The following PLGRKT variants were observed in gnomAD, a reference collection of about 807,000 sequenced individuals.
The protein encoded by PLGRKT is plasminogen receptor (KT).
In PLGRKT, 22 loss-of-function variants were observed where a neutral mutation model predicts 18.5. That is an observed-to-expected ratio of 1.19 (90% CI 0.85 to 1.70). The LOEUF (loss-of-function observed/expected upper bound fraction) is 1.70. PLGRKT is among the 40% of genes most tolerant of loss of function. PLGRKT has a pLI of 0.00. For missense variants in PLGRKT, 235 were observed against 174.4 expected (o/e 1.35, Z -1.96); for synonymous variants, 72 against 52.8 (o/e 1.36, Z -1.58).
Position 5,360,970 on chromosome 9 carries a change from AAGAG to A in PLGRKT, c.322+104_322+107del, listed in dbSNP as rs1817249928. 1.4e-5 allele frequency: 9 copies of A among 661,646 alleles called. No individual in the cohort carries two copies. The Middle Eastern group carries it at 8.7e-4, about 64-fold the overall frequency. 41.0% of individuals were successfully genotyped at this position (661,646 alleles called of 1,614,324 possible). ...AGAAATGTTGCTCATTGGAGGTTCAAAGAGAGAGTCTTGTCAGAATCTTTATAAG... is the reference window on the plus strand; with the variant it reads ...AGAAATGTTGCTCATTGGAGGTTCAAAGAGTCTTGTCAGAATCTTTATAAG... On this transcript the variant is annotated intron_variant, in intron 5 of 5. Transcript: ENST00000223864.
upstream of PLGRKT, among the ~76,000 whole-genome samples, chr9:5,438,043 GC>G (rs1466947054): frequency 6.6e-6 from 1 of 152,208 alleles, no homozygotes; most frequent in African/African-American, 2.4e-5. Context: ...GTCAAAAGAG[GC>G]AAATTCAAAG....
intron 3 of PLGRKT, among the ~76,000 whole-genome samples, chr9:5,414,983 C>T (rs915854650): frequency 6.6e-6 from 1 of 152,158 alleles, no homozygotes; most frequent in Non-Finnish European, 1.5e-5. Context: ...CATATACATA[C>T]ATGTCTTTGC....
chr9:5,399,414 T>C (rs1219846501), intron 3 of PLGRKT, among the ~76,000 whole-genome samples: 1 of 151,906 alleles, frequency 6.6e-6, no homozygotes, highest in Non-Finnish European at 1.5e-5. Context: ...AGATTACTTG[T>C]TCTTCCCTTT....
rs139938289 is a variant in PLGRKT, at chr9:5,396,575, G to A, written c.82-34687C>T. On this transcript the variant is annotated intron_variant, in intron 3 of 5. Coordinates refer to ENST00000223864, the MANE Select transcript of PLGRKT (RefSeq NM_018465.4). Reference sequence around the variant, plus strand: ...CTCGCAAAGTGCTGGAATTAAAGGCGTGAGCCACTGCATCCGGCCACAACA... The same window carrying A: ...CTCGCAAAGTGCTGGAATTAAAGGCATGAGCCACTGCATCCGGCCACAACA... Among the ~76,000 whole-genome samples the A allele has an allele frequency of 1.8e-3, 267 of 152,118 alleles. 8 individuals carry two copies. Among genetic ancestry groups the A allele is most frequent in the African/African-American group, 6.1e-3 (252 of 41,372 alleles).
chr9:5,418,488 G>T lies in PLGRKT; in HGVS notation c.81+13409C>A. ...TGACAGTGCACACCCTCAACCACAT[G>T]GAGCTTTTCACCATGCCCCGCCTGT... On this transcript the variant is annotated intron_variant, in intron 3 of 5. Coordinates refer to ENST00000223864, the MANE Select transcript of PLGRKT (RefSeq NM_018465.4). The surrounding 1 kb of genome is among the most constrained non-coding windows in gnomAD (Gnocchi z 4.2). The T allele has an allele frequency of 9.0e-7, 1 of 1,114,740 alleles. No individual in the cohort carries two copies. Among genetic ancestry groups the T allele is most frequent in the African/African-American group, 1.5e-5 (1 of 66,120 alleles). The allele number at this position is 1,114,740 out of a possible 1,614,324, so 69.1% of individuals were successfully genotyped here.
At chr9:5,398,260 G>A (rs1054250038) in intron 3 of PLGRKT, among the ~76,000 whole-genome samples, 1 of 151,856 alleles carries the variant, frequency 6.6e-6, no homozygotes, top group Non-Finnish European at 1.5e-5. Context: ...CTCAGATTTA[G>A]GAAGGTGAGA....
intron 3 of PLGRKT, among the ~76,000 whole-genome samples, chr9:5,379,683 T>G (rs181973191): frequency 6.6e-6 from 1 of 152,330 alleles, no homozygotes; most frequent in Admixed American, 6.5e-5. Flanking sequence ...ATGAAAAATG[T>G]TGAACTTCAT....
chr9:5,413,649 G>T (rs779113659), intron 3 of PLGRKT, among the ~76,000 whole-genome samples: 2 of 152,138 alleles, frequency 1.3e-5, no homozygotes, highest in Non-Finnish European at 2.9e-5. Context: ...CCCTCCAGAA[G>T]AAATGCAGCC....
chr9:5,413,026 C>CAGGATTTT (rs1818394222), intron 3 of PLGRKT, among the ~76,000 whole-genome samples: 2 of 152,080 alleles, frequency 1.3e-5, no homozygotes, highest in Non-Finnish European at 2.9e-5. Flanking sequence ...CAAATTAAAG[C>CAGGATTTT]AAGACTGAGA....
Position 5,361,107 on chromosome 9 carries a change from C to A in PLGRKT, c.293G>T (p.Gly98Val). The change falls in exon 5 of 6, where the codon GGC becomes GTC. Residue 98 changes from glycine (G) to valine (V), a missense_variant. Physicochemically the swap from Gly to Val is moderately radical, Grantham distance 109. Coordinates refer to ENST00000223864, the MANE Select transcript of PLGRKT (RefSeq NM_018465.4). Reference protein sequence around the residue: ...SFILTYQYDLGYGTLLERMKG... With the variant: ...SFILTYQYDLVYGTLLERMKG... ...CATTCTTTCTAAAAGGGTTCCATAGCCCAAGTCATACTGGTAGGTGAGGAT... is the reference window on the plus strand; with the variant it reads ...CATTCTTTCTAAAAGGGTTCCATAGACCAAGTCATACTGGTAGGTGAGGAT... 1 of 1,598,638 alleles carries A rather than the reference C, an allele frequency of 6.3e-7. No homozygotes were observed. Among genetic ancestry groups the A allele is most frequent in the Non-Finnish European group, 8.6e-7 (1 of 1,166,496 alleles).
At chr9:5,423,200 T>G (rs112575203) in intron 3 of PLGRKT, among the ~76,000 whole-genome samples, 1 of 152,148 alleles carries the variant, frequency 6.6e-6, no homozygotes, top group Non-Finnish European at 1.5e-5. Flanking sequence ...ATCACACCAC[T>G]ACCCTGTTCA....
chr9:5,364,316 A>T (rs1817335086), intron 3 of PLGRKT, among the ~76,000 whole-genome samples: 1 of 152,176 alleles, frequency 6.6e-6, no homozygotes, highest in African/African-American at 2.4e-5. Context: ...TTTCCCACAA[A>T]AGATCAACCT....
At chr9:5,369,416 T>A (rs1285137251) in intron 3 of PLGRKT, among the ~76,000 whole-genome samples, 1 of 152,040 alleles carries the variant, frequency 6.6e-6, no homozygotes, top group Non-Finnish European at 1.5e-5. Context: ...GTTAGAACGG[T>A]GATCATTAAA....
At chr9:5,431,663 C>G (rs765746772) in intron 3 of PLGRKT, among the ~76,000 whole-genome samples, 1 of 151,818 alleles carries the variant, frequency 6.6e-6, no homozygotes, top group African/African-American at 2.4e-5. Flanking sequence ...ACCACATACT[C>G]TAAGCAGTTA....
intron 5 of PLGRKT, among the ~76,000 whole-genome samples, chr9:5,359,687 A>G (rs2131052486): frequency 6.6e-6 from 1 of 152,316 alleles, no homozygotes. Context: ...TAATGTGATA[A>G]GTTTTCTGAT....
At chr9:5,398,469 A>C (rs184042865) in intron 3 of PLGRKT, among the ~76,000 whole-genome samples, 3 of 152,152 alleles carry the variant, frequency 2.0e-5, no homozygotes, top group Admixed American at 6.5e-5. Context: ...CAGAGAAACA[A>C]GCTGTGATCT....
At chr9:5,413,570 C>T (rs1029526794) in intron 3 of PLGRKT, among the ~76,000 whole-genome samples, 22 of 152,068 alleles carry the variant, frequency 1.4e-4, no homozygotes, top group African/African-American at 5.1e-4. Flanking sequence ...GGAGGAAGGG[C>T]CCATGAGCCA....
intron 3 of PLGRKT, among the ~76,000 whole-genome samples, chr9:5,415,396 T>TA (rs772695215): frequency 6.6e-6 from 1 of 151,714 alleles, no homozygotes; most frequent in Non-Finnish European, 1.5e-5. Flanking sequence ...ATGAAGTAAA[T>TA]AAAAAAATCA....
intron 3 of PLGRKT, among the ~76,000 whole-genome samples, chr9:5,380,365 T>G (rs1194750755): frequency 1.5e-5 from 2 of 130,056 alleles, no homozygotes; most frequent in Non-Finnish European, 3.2e-5. Context: ...AGACTCTGTC[T>G]CAATTAAAAA....
Sources: allele counts gnomAD v4.1 joint callset (sites outside exome capture counted in the v4.1 genomes callset), GRCh38; gene constraint gnomAD v4.1.1; non-coding constraint Gnocchi (gnomAD v3.1); transcripts MANE v1.5; gene names NCBI Gene and HGNC (gene_info 2026-07-23, HGNC 2026-07-21).